Variants in LIPI observed in about 807,000 individuals in gnomAD.
LIPI encodes lipase I.
LIPI carries 59 observed loss-of-function variants against 50.6 expected under a neutral mutation model. The observed-to-expected ratio is 1.16, with a 90% CI of 0.94 to 1.45. LIPI has a LOEUF of 1.45. LIPI is among the 40% of genes most tolerant of loss of function. The probability of loss-of-function intolerance (pLI) is 0.00; values close to 1 mark genes in which losing one functional copy is unlikely to be tolerated. For missense variants in LIPI, 586 were observed against 536.3 expected (o/e 1.09, Z -0.92); for synonymous variants, 203 against 178.2 (o/e 1.14, Z -1.11).
chr21:14,165,374 T>G lies in LIPI; in HGVS notation c.750A>C (p.Lys250Asn), dbSNP rs2018643712. The G allele has an allele frequency of 1.2e-6, 2 of 1,611,612 alleles. No individual in the cohort carries two copies. Among genetic ancestry groups the G allele is most frequent in the Non-Finnish European group, 1.7e-6 (2 of 1,178,340 alleles). The change falls in exon 6 of 10, where the codon AAA becomes AAC. Residue 250 changes from lysine (K) to asparagine (N), a missense_variant. Physicochemically the swap from Lys to Asn is moderately conservative, Grantham distance 94 (BLOSUM62 0). Coordinates refer to ENST00000681601, the MANE Select transcript of LIPI (RefSeq NM_001302998.2). Reference protein sequence around the residue: ...KSIFSGIQFIKCNHQRAVHLF... With the variant: ...KSIFSGIQFINCNHQRAVHLF... ...AGTGAACTGCTCTCTGGTGGTTGCA[T>G]TTAATGAATTGAATTCCTTAAGGGT...
chr21:14,195,637 A>G (rs28377040), intron 1 of LIPI, among the ~76,000 whole-genome samples: 1 of 152,232 alleles, frequency 6.6e-6, no homozygotes, highest in Admixed American at 6.5e-5. Flanking sequence ...AACAGAAAAA[A>G]GTGATAAATT....
In LIPI at chr21:14,186,255, TTGA is replaced by T. The variant is rs2123267624; in HGVS notation, c.433-189_433-187del. Among the ~76,000 whole-genome samples the T allele has an allele frequency of 2.6e-5, 4 of 152,322 alleles. 1 individual carries two copies. Among genetic ancestry groups the T allele is most frequent in the African/African-American group, 9.6e-5 (4 of 41,574 alleles). ...TTGTTCAACTTTTGCCACAAAATAT[TTGA>T]TTTTTCTTTATTCATTTTTAATATC... is the stretch of plus-strand genomic sequence containing the variant. On this transcript the variant is annotated intron_variant, in intron 2 of 9. Coordinates refer to ENST00000681601, the MANE Select transcript of LIPI (RefSeq NM_001302998.2).
intron 4 of LIPI, among the ~76,000 whole-genome samples, chr21:14,181,436 A>T (rs764822242): frequency 6.6e-6 from 1 of 152,160 alleles, no homozygotes; most frequent in South Asian, 2.1e-4. Context: ...AACATTAAAC[A>T]TGGGGGAAAA....
chr21:14,177,163 GT>G, intron 4 of LIPI, among the ~76,000 whole-genome samples: 1 of 151,990 alleles, frequency 6.6e-6, no homozygotes, highest in Admixed American at 6.6e-5. Context: ...AACTACAATT[GT>G]TATATCTTCT....
chr21:14,151,854 A>G (rs2018102901), intron 8 of LIPI, among the ~76,000 whole-genome samples: 1 of 152,066 alleles, frequency 6.6e-6, no homozygotes, highest in African/African-American at 2.4e-5. Flanking sequence ...TTGAGAAAAA[A>G]ACAAAACCCT....
chr21:14,163,531 T>C lies in LIPI; in HGVS notation c.902-8A>G, dbSNP rs1034537964. ...ATAGCTTGGCTTGATAACCTGAGAT[T>C]TGAGAAATAGAACATTAGAAATTGG... On this transcript the variant is annotated splice_polypyrimidine_tract_variant and splice_region_variant and intron_variant, in intron 6 of 9. Transcript: ENST00000681601. The C allele has an allele frequency of 3.1e-6, 4 of 1,295,704 alleles. No individual in the cohort carries two copies. Among genetic ancestry groups the C allele is most frequent in the Non-Finnish European group, 4.5e-6 (4 of 890,594 alleles). The allele number at this position is 1,295,704 out of a possible 1,614,324, so 80.3% of individuals were successfully genotyped here.
intron 9 of LIPI, among the ~76,000 whole-genome samples, chr21:14,139,509 C>T (rs2017626595): frequency 6.6e-6 from 1 of 151,878 alleles, no homozygotes; most frequent in African/African-American, 2.4e-5. Flanking sequence ...CAATATGTAC[C>T]AGGCACAGTT....
intron 9 of LIPI, among the ~76,000 whole-genome samples, chr21:14,118,686 C>T (rs986400621): frequency 2.6e-5 from 4 of 152,200 alleles, no homozygotes; most frequent in Non-Finnish European, 4.4e-5. Flanking sequence ...AAACTATTCA[C>T]AGACTTACTT....
At chr21:14,112,831 T>C (rs2016468608) in intron 9 of LIPI, among the ~76,000 whole-genome samples, 1 of 152,166 alleles carries the variant, frequency 6.6e-6, no homozygotes, top group Non-Finnish European at 1.5e-5. Flanking sequence ...TACTAATTCT[T>C]GTATATTGAT....
intron 9 of LIPI, among the ~76,000 whole-genome samples, chr21:14,133,162 G>T (rs2017360464): frequency 6.6e-6 from 1 of 151,946 alleles, no homozygotes; most frequent in Non-Finnish European, 1.5e-5. Context: ...CATTCTAAGA[G>T]GCCAGTATCA....
chr21:14,168,474 G>T (rs2018772697), intron 4 of LIPI, among the ~76,000 whole-genome samples: 1 of 152,136 alleles, frequency 6.6e-6, no homozygotes, highest in Admixed American at 6.5e-5. Context: ...GAAAGGTCGG[G>T]TTACCCACAA....
chr21:14,185,208 G>A (rs1275677210), intron 3 of LIPI, among the ~76,000 whole-genome samples: 1 of 152,002 alleles, frequency 6.6e-6, no homozygotes, highest in Non-Finnish European at 1.5e-5. Flanking sequence ...AATATGAAGG[G>A]GGACCCAGAG....
chr21:14,124,918 C>A (rs1423617056), intron 9 of LIPI, among the ~76,000 whole-genome samples: 1 of 152,056 alleles, frequency 6.6e-6, no homozygotes, highest in African/African-American at 2.4e-5. Context: ...TTGCTTGAAC[C>A]CGGGAGGTGG....
intron 2 of LIPI, among the ~76,000 whole-genome samples, chr21:14,186,445 TGA>T (rs2019459484): frequency 6.6e-6 from 1 of 152,224 alleles, no homozygotes; most frequent in East Asian, 1.9e-4. Context: ...AATTTCGTTA[TGA>T]GTTATTCATT....
chr21:14,154,455 G>A (rs1236414471), intron 7 of LIPI, among the ~76,000 whole-genome samples: 5 of 151,944 alleles, frequency 3.3e-5, no homozygotes, highest in African/African-American at 7.2e-5. Flanking sequence ...CAAGAAAAAC[G>A]TTAAAACCAG....
At chr21:14,200,835 T>C (rs960683100) in intron 1 of LIPI, among the ~76,000 whole-genome samples, 3 of 152,034 alleles carry the variant, frequency 2.0e-5, no homozygotes, top group African/African-American at 7.2e-5. Flanking sequence ...AGAACAAGGC[T>C]GGAGGCATCA....
At chr21:14,153,542 C>A (rs143638770) in intron 7 of LIPI, among the ~76,000 whole-genome samples, 137 of 152,234 alleles carry the variant, frequency 9.0e-4, no homozygotes, top group African/African-American at 2.3e-3. Context: ...GCTAGGTGTA[C>A]AATCCATGTT....
intron 9 of LIPI, among the ~76,000 whole-genome samples, chr21:14,131,580 A>G (rs2017296660): frequency 6.6e-6 from 1 of 152,136 alleles, no homozygotes; most frequent in Admixed American, 6.6e-5. Flanking sequence ...CTATAGAAGC[A>G]CTTTAAAAAA....
intron 7 of LIPI, among the ~76,000 whole-genome samples, chr21:14,157,540 T>C (rs923689217): frequency 1.3e-5 from 2 of 151,894 alleles, no homozygotes; most frequent in African/African-American, 4.8e-5. Flanking sequence ...GTGGTATAAA[T>C]AGTGCCAACT....
Sources: gnomAD v4.1 joint callset for allele counts (sites outside exome capture counted in the v4.1 genomes callset) on GRCh38, gnomAD v4.1.1 for gene constraint, MANE v1.5 for transcripts, NCBI Gene and HGNC (gene_info 2026-07-23, HGNC 2026-07-21) for gene names.